Variants in ESRP1 observed in about 807,000 individuals in gnomAD.
The protein encoded by ESRP1 is RNA-binding motif protein 35A.
A neutral mutation model predicts 81.7 loss-of-function variants in ESRP1; 33 were observed. The observed-to-expected ratio is 0.40, with a 90% CI of 0.31 to 0.54. The LOEUF (loss-of-function observed/expected upper bound fraction) is 0.54, where lower values mean the gene tolerates loss of function less well. ESRP1 is among the 20% of genes least tolerant of loss of function. The pLI is 0.41. For missense variants in ESRP1, 672 were observed against 833.1 expected, an observed-to-expected ratio of 0.81 and a Z score of 2.38; for synonymous variants, 320 against 303.3, an observed-to-expected ratio of 1.06 and a Z score of -0.57.
chr8:94,651,987 C>CTTTTTTTTTT (rs35903773), intron 4 of ESRP1, among the ~76,000 whole-genome samples: 9 of 65,212 alleles, frequency 1.4e-4, no homozygotes, highest in African/African-American at 2.9e-4. Context: ...TCTAAAACGC[C>CTTTTTTTTTT]TTTTTTTTTT....
intron 11 of ESRP1, 24 bp downstream of exon 11, chr8:94,671,695 A>G: frequency 6.3e-7 from 1 of 1,590,050 alleles, no homozygotes; most frequent in Non-Finnish European, 8.6e-7. Context: ...TTAGTGGAAA[A>G]CTTATTTGCT....
chr8:94,660,606 C>T (rs775093710), intron 4 of ESRP1, among the ~76,000 whole-genome samples: 12 of 145,792 alleles, frequency 8.2e-5, no homozygotes, highest in African/African-American at 2.5e-4. Context: ...GGTATGGTGG[C>T]GCGTGCCTGT....
chr8:94,669,441 AC>A (rs1819194368), intron 10 of ESRP1, among the ~76,000 whole-genome samples: 1 of 152,150 alleles, frequency 6.6e-6, no homozygotes. Flanking sequence ...AAAGTTAAGA[AC>A]CTTTTTACCT....
chr8:94,645,527 T>C (rs1817804010), intron 3 of ESRP1, among the ~76,000 whole-genome samples: 1 of 152,188 alleles, frequency 6.6e-6, no homozygotes, highest in Admixed American at 6.5e-5. Flanking sequence ...GAACAGCAGG[T>C]AACCATTTCT....
At chr8:94,669,319 C>G (rs1040338178) in intron 10 of ESRP1, among the ~76,000 whole-genome samples, 1 of 152,158 alleles carries the variant, frequency 6.6e-6, no homozygotes, top group African/African-American at 2.4e-5. Flanking sequence ...TATGATTCCA[C>G]AGGTCTGCTT....
At chr8:94,705,848 A>G in intron 15 of ESRP1, 77 bp from the exon 16 acceptor site, 1 of 1,296,596 alleles carries the variant, frequency 7.7e-7, no homozygotes, top group Non-Finnish European at 1.0e-6. Context: ...ATTTGAAATC[A>G]TTTTTGTGGC....
chr8:94,661,960 T>C (rs1818771184), intron 4 of ESRP1, among the ~76,000 whole-genome samples: 1 of 152,208 alleles, frequency 6.6e-6, no homozygotes, highest in African/African-American at 2.4e-5. Context: ...GATGAAATAT[T>C]CTAATTAACT....
chr8:94,643,502 C>T (rs1390535330), intron 3 of ESRP1, 86 bp downstream of exon 3: 1 of 781,504 alleles, frequency 1.3e-6, no homozygotes, highest in African/African-American at 1.7e-5. Context: ...ATTCAAGTTT[C>T]TCTGTTCTTA....
At chr8:94,658,908 T>C (rs1818573505) in intron 4 of ESRP1, among the ~76,000 whole-genome samples, 1 of 152,184 alleles carries the variant, frequency 6.6e-6, no homozygotes. Flanking sequence ...TGTTGTATTT[T>C]GTCTTTTTTT....
At chr8:94,670,714 TA>T (rs927307181) in intron 10 of ESRP1, among the ~76,000 whole-genome samples, 2 of 152,230 alleles carry the variant, frequency 1.3e-5, no homozygotes, top group Non-Finnish European at 2.9e-5. Flanking sequence ...GTCTTTTGTC[TA>T]AAATTCGCCT....
intron 13 of ESRP1, among the ~76,000 whole-genome samples, chr8:94,687,925 C>CT (rs1246512265): frequency 1.3e-5 from 2 of 151,890 alleles, no homozygotes; most frequent in African/African-American, 4.8e-5. Context: ...TTAGTTTATT[C>CT]TTTTTTCCCT....
chr8:94,653,763 A>G (rs1025005565), intron 4 of ESRP1, among the ~76,000 whole-genome samples: 1 of 151,994 alleles, frequency 6.6e-6, no homozygotes, highest in Non-Finnish European at 1.5e-5. Flanking sequence ...GTGAAGGCAA[A>G]CACCGAATCC....
chr8:94,641,764 T>G, intron 1 of ESRP1, 192 bp from the exon 2 acceptor site: 14 of 656,166 alleles, frequency 2.1e-5, no homozygotes, highest in Non-Finnish European at 3.0e-5. Flanking sequence ...TCCAGGGCTT[T>G]TCCGACCTAT....
At chr8:94,675,060 G>T (rs145542640) in intron 12 of ESRP1, among the ~76,000 whole-genome samples, 1 of 152,322 alleles carries the variant, frequency 6.6e-6, no homozygotes, top group African/African-American at 2.4e-5. Flanking sequence ...ATTAGCCAAA[G>T]TTTCCATTGG....
intron 10 of ESRP1, among the ~76,000 whole-genome samples, chr8:94,669,874 CAAAAAAAA>C (rs1263306176): frequency 0.033 from 2,977 of 89,654 alleles, 99 homozygotes; most frequent in African/African-American, 0.11. Flanking sequence ...CTCCCGCTAC[CAAAAAAAA>C]AAAAAAAAAA....
At chr8:94,699,573 A>G (rs552199788) in intron 15 of ESRP1, among the ~76,000 whole-genome samples, 1 of 152,264 alleles carries the variant, frequency 6.6e-6, no homozygotes, top group South Asian at 2.1e-4. Context: ...CCAGGAGGTC[A>G]AGGTTGCAGT....
rs1818783853 is a variant in ESRP1, at chr8:94,662,252, T to G, written c.491-20T>G. 11 of 1,463,956 alleles carry G rather than the reference T, an allele frequency of 7.5e-6. No homozygotes were observed. The highest frequency in any genetic ancestry group is 1.0e-5 in the Non-Finnish European group (11 of 1,071,692). The allele number at this position is 1,463,956 out of a possible 1,614,324, so 90.7% of individuals were successfully genotyped here. The stretch of plus-strand genomic sequence containing the variant: ...CCTGATTTTACCTTTCCAAAGTGTT[T>G]CCTTAATTTAATCTCACAGATTTAA... On this transcript the variant is annotated intron_variant, in intron 4 of 15. Transcript: ENST00000433389.
In ESRP1 at chr8:94,706,210, G is replaced by T; in HGVS notation, c.*321G>T. 2.3e-6 allele frequency: 1 copy of T among 439,810 alleles called. No individual in the cohort carries two copies. The highest frequency in any genetic ancestry group is 4.0e-6 in the Non-Finnish European group (1 of 248,672). The allele number at this position is 439,810 out of a possible 1,614,324, so 27.2% of individuals were successfully genotyped here. A position where few individuals can be genotyped will look rare whatever the true frequency, so the allele number is the denominator to read the frequency against. On this transcript the variant is annotated 3_prime_UTR_variant, in exon 16 of 16. Transcript: ENST00000433389. ...GTCTCCATTACTTCCAGTTAAAGTG[G>T]CATCATAGGTGTTTCCTAAGTTTTA...
intron 15 of ESRP1, 160 bp from the exon 16 acceptor site, chr8:94,705,765 A>T (rs2130752415): frequency 3.1e-6 from 2 of 652,600 alleles, no homozygotes; most frequent in East Asian, 5.6e-5. Flanking sequence ...TTGCCATGTA[A>T]ATGCCAACTA....
Sources: allele counts gnomAD v4.1 joint callset (sites outside exome capture counted in the v4.1 genomes callset), GRCh38; gene constraint gnomAD v4.1.1; transcripts MANE v1.5; gene names NCBI Gene and HGNC (gene_info 2026-07-23, HGNC 2026-07-21).